Variants in RNF150 observed in about 807,000 individuals in gnomAD.
RNF150 encodes the protein ring finger protein 150.
Under a neutral mutation model 39.3 loss-of-function variants are expected in RNF150, and 24 were observed. The observed-to-expected ratio is 0.61, with a 90% CI of 0.44 to 0.86. The LOEUF (loss-of-function observed/expected upper bound fraction) is 0.86, where lower values mean the gene tolerates loss of function less well. RNF150 is among the 40% of genes least tolerant of loss of function. The pLI is 0.00. For synonymous variants in RNF150, 255 were observed against 227.3 expected (o/e 1.12, Z -1.10); for missense variants, 502 against 587.8 (o/e 0.85, Z 1.51).
chr4:140,868,499 T>C lies in RNF150; in HGVS notation c.1199-120A>G, dbSNP rs151203481. The stretch of plus-strand genomic sequence containing the variant: ...AGGCCAAGAGAAGGTATTAGAAAAA[T>C]TGGGTATTCTGTAAAAACTCTAGTT... On this transcript the variant is annotated intron_variant, in intron 6 of 6. Transcript: ENST00000515673. The C allele has an allele frequency of 1.6e-3, 1,025 of 644,526 alleles. 6 individuals carry two copies. Among genetic ancestry groups the C allele is most frequent in the African/African-American group, 0.015 (842 of 55,036 alleles). 39.9% of individuals were successfully genotyped at this position (644,526 alleles called of 1,614,324 possible). A position where few individuals can be genotyped will look rare whatever the true frequency, so the allele number is the denominator to read the frequency against.
intron 1 of RNF150, among the ~76,000 whole-genome samples, chr4:141,202,183 A>G (rs1048151665): frequency 1.2e-4 from 18 of 152,148 alleles, no homozygotes; most frequent in African/African-American, 3.9e-4. Flanking sequence ...AGTAAATAGA[A>G]TTATTTTTTA....
chr4:141,099,488 G>A (rs1240990472), intron 1 of RNF150, among the ~76,000 whole-genome samples: 1 of 152,068 alleles, frequency 6.6e-6, no homozygotes, highest in African/African-American at 2.4e-5. Flanking sequence ...ACAGGAGAAG[G>A]GCAAAAAGAA....
At chr4:141,181,307 G>C (rs17006959) in intron 1 of RNF150, among the ~76,000 whole-genome samples, 9,557 of 152,212 alleles carry the variant, frequency 0.063, 967 homozygotes, top group African/African-American at 0.22. Flanking sequence ...AATGTATAAA[G>C]TTACCTAATA....
chr4:141,068,220 C>A (rs1737539808), intron 1 of RNF150, among the ~76,000 whole-genome samples: 1 of 152,226 alleles, frequency 6.6e-6, no homozygotes, highest in Non-Finnish European at 1.5e-5. Context: ...GCTGGGATTA[C>A]AGGCATGAGC....
chr4:141,032,646 G>C (rs1236199837), intron 1 of RNF150, among the ~76,000 whole-genome samples: 1 of 151,900 alleles, frequency 6.6e-6, no homozygotes, highest in African/African-American at 2.4e-5. Flanking sequence ...CAAGAACAGT[G>C]CTAGTTGGTT....
intron 1 of RNF150, among the ~76,000 whole-genome samples, chr4:141,142,234 C>T (rs1727128165): frequency 6.6e-6 from 1 of 152,158 alleles, no homozygotes; most frequent in Admixed American, 6.5e-5. Context: ...TAAAACCTAT[C>T]ATCTACTTTT....
Position 141,018,477 on chromosome 4 carries a change from C to T in RNF150, c.485-50604G>A, listed in dbSNP as rs529941746. On this transcript the variant is annotated intron_variant, in intron 1 of 6. Coordinates refer to ENST00000515673, the MANE Select transcript of RNF150 (RefSeq NM_020724.2). Reference sequence around the variant, plus strand: ...AAAAAGCCCAAATGCCTCACTGTGGCACTTGAAGCCATTCAGCATGGATGG... The same window carrying T: ...AAAAAGCCCAAATGCCTCACTGTGGTACTTGAAGCCATTCAGCATGGATGG... 5.9e-5 allele frequency among the ~76,000 whole-genome samples: 9 copies of T among 152,276 alleles called. No homozygotes were observed. In the South Asian group the frequency reaches 1.9e-3, roughly 32 times the overall value.
intron 6 of RNF150, among the ~76,000 whole-genome samples, chr4:140,892,069 C>T (rs1048086013): frequency 4.3e-4 from 66 of 152,188 alleles, no homozygotes; most frequent in Non-Finnish European, 1.5e-4. Flanking sequence ...CTCTAGATTA[C>T]TTATAGCACC....
chr4:141,141,035 C>T (rs555453744), intron 1 of RNF150, among the ~76,000 whole-genome samples: 196 of 152,328 alleles, frequency 1.3e-3, no homozygotes, highest in African/African-American at 4.6e-3. Flanking sequence ...TAAATATCCA[C>T]TGAGCCATAA....
intron 4 of RNF150, among the ~76,000 whole-genome samples, chr4:140,943,760 A>G (rs999523462): frequency 3.3e-5 from 5 of 152,352 alleles, no homozygotes; most frequent in East Asian, 1.9e-4. Context: ...CAAATGAAGC[A>G]TTTAGGTACT....
chr4:140,990,495 C>T (rs1734156827), intron 1 of RNF150, among the ~76,000 whole-genome samples: 1 of 151,916 alleles, frequency 6.6e-6, no homozygotes, highest in Non-Finnish European at 1.5e-5. Context: ...TCCCTCCTCA[C>T]ATCCCACCTA....
chr4:140,964,887 C>T (rs891776171), intron 2 of RNF150, among the ~76,000 whole-genome samples: 1 of 151,002 alleles, frequency 6.6e-6, no homozygotes, highest in South Asian at 2.1e-4. Flanking sequence ...GTTTAGAGAG[C>T]ACAGAAATAG....
intron 1 of RNF150, among the ~76,000 whole-genome samples, chr4:141,145,106 T>TA (rs757097276): frequency 1.8e-4 from 27 of 152,110 alleles, no homozygotes; most frequent in Non-Finnish European, 3.5e-4. Context: ...AAATGAGGAT[T>TA]AAAAAAATAT....
intron 1 of RNF150, among the ~76,000 whole-genome samples, chr4:141,107,635 G>A (rs1438621958): frequency 6.6e-6 from 1 of 152,172 alleles, no homozygotes; most frequent in Non-Finnish European, 1.5e-5. Flanking sequence ...GATGATACAT[G>A]CAAGTTGTCA....
intron 5 of RNF150, among the ~76,000 whole-genome samples, chr4:140,912,724 A>ATTCT (rs374083581): frequency 6.6e-6 from 1 of 152,092 alleles, no homozygotes; most frequent in East Asian, 1.9e-4. Flanking sequence ...TCTTTCCTGT[A>ATTCT]TTCTTTCTTC....
intron 5 of RNF150, 40 bp from the exon 6 acceptor site, chr4:140,911,394 T>C (rs1387201075): frequency 1.3e-6 from 2 of 1,554,212 alleles, no homozygotes; most frequent in Non-Finnish European, 1.8e-6. Flanking sequence ...GTACATGTCA[T>C]CCACTTAGAG....
intron 1 of RNF150, among the ~76,000 whole-genome samples, chr4:140,975,387 G>C (rs1733625522): frequency 6.6e-6 from 1 of 152,170 alleles, no homozygotes; most frequent in Non-Finnish European, 1.5e-5. Flanking sequence ...GTTTGTGCAG[G>C]TATCTGCAGG....
intron 1 of RNF150, among the ~76,000 whole-genome samples, chr4:141,190,105 C>A (rs1006133049): frequency 6.6e-6 from 1 of 152,152 alleles, no homozygotes; most frequent in African/African-American, 2.4e-5. Context: ...CCTTGCACTT[C>A]CTGGGTGAGG....
intron 1 of RNF150, among the ~76,000 whole-genome samples, chr4:141,009,863 C>A (rs1369950730): frequency 6.6e-6 from 1 of 152,164 alleles, no homozygotes; most frequent in Non-Finnish European, 1.5e-5. Context: ...CTGCAGGCAT[C>A]CCCAAATTAG....
Sources: gnomAD v4.1 joint callset for allele counts (sites outside exome capture counted in the v4.1 genomes callset) on GRCh38, gnomAD v4.1.1 for gene constraint, MANE v1.5 for transcripts, NCBI Gene and HGNC (gene_info 2026-07-23, HGNC 2026-07-21) for gene names.